MUC5B: variants seen among roughly 807,000 people sequenced by gnomAD.
The protein encoded by MUC5B is mucin 5B, oligomeric mucus/gel-forming, also known as mucin-5B.
A neutral mutation model predicts 376.9 loss-of-function variants in MUC5B; 116 were observed. The ratio of observed to expected loss-of-function variants is 0.31; its 90% CI spans 0.26 to 0.36. The LOEUF (loss-of-function observed/expected upper bound fraction) is 0.36, where lower values mean the gene tolerates loss of function less well. MUC5B is among the 10% of genes least tolerant of loss of function. The probability of loss-of-function intolerance (pLI) is 1.00; values close to 1 mark genes in which losing one functional copy is unlikely to be tolerated. For synonymous variants in MUC5B, 3,517 were observed against 3,390.9 expected (o/e 1.04, Z -1.29); for missense variants, 7,165 against 7,769.9 (o/e 0.92, Z 2.93).
rs910609841 is a variant in MUC5B, at chr11:1,259,970, A to G, written c.16808A>G (p.Glu5603Gly). ...TPDGQPVQLN[E>G]TWVNSHVDNC... ...CTCACCCTTGCATTTCAGCTGAATG[A>G]AACCTGGGTCAACAGCCATGTGGAC... Residue 5603 changes from glutamate to glycine, a missense_variant, in exon 46 of 49, where the codon GAA becomes GGA. By Grantham distance (98) the Glu-to-Gly change is moderately conservative. Around this residue, in one of 31 missense-constraint regions of MUC5B, gnomAD observed 842 missense variants for 1,016.9 expected, o/e 0.83. Transcript: ENST00000529681. 1 of 1,612,866 alleles carries G rather than the reference A, an allele frequency of 6.2e-7. No homozygotes were observed. Among genetic ancestry groups the G allele is most frequent in the Non-Finnish European group, 8.5e-7 (1 of 1,179,746 alleles).
Position 1,251,635 on chromosome 11 carries a change from T to A in MUC5B, c.14755T>A (p.Ser4919Thr). The A allele has an allele frequency of 6.2e-7, 1 of 1,613,086 alleles. No homozygotes were observed. The highest frequency in any genetic ancestry group is 8.5e-7 in the Non-Finnish European group (1 of 1,179,800). The change falls in exon 31 of 49, where the codon TCC becomes ACC. Residue 4919 changes from serine (S) to threonine (T), a missense_variant. Physicochemically the swap from Ser to Thr is moderately conservative, Grantham distance 58. Coordinates refer to ENST00000529681, the MANE Select transcript of MUC5B (RefSeq NM_002458.3). ...CAGCAGCCTGCCAACCTTCAGCGTG[T>A]CCACTGTGTCCTCCTCAGTCCTCAC... ...LPSSLPTFSV[S>T]TVSSSVLTTL... is the part of the protein sequence containing the mutation.
In MUC5B at chr11:1,255,020, C is replaced by T. The variant is rs377629931; in HGVS notation, c.15665-21C>T. The T allele has an allele frequency of 2.3e-5, 36 of 1,565,860 alleles. 1 individual carries two copies. The highest frequency in any genetic ancestry group is 4.7e-5 in the South Asian group (4 of 85,344). On this transcript the variant is annotated intron_variant, in intron 35 of 48. Transcript: ENST00000529681. The stretch of plus-strand genomic sequence containing the variant: ...AAAGGCTCCCCAGATTCCAGCCCCG[C>T]GGTGACGCCCCCACTCCCAGGCACC...
chr11:1,232,215 C>A, intron 15 of MUC5B, 55 bp downstream of exon 15: 1 of 1,513,478 alleles, frequency 6.6e-7, no homozygotes, highest in East Asian at 2.4e-5. Context: ...CACCCAGCAC[C>A]TTCCTGTCCC....
At position 1,253,104 on chromosome 11, in the gene MUC5B, GGTGGGGCATGGTGGGGTGCA is replaced by G; in HGVS notation, c.15217+141_15217+160del. On this transcript the variant is annotated intron_variant, in intron 33 of 48. Transcript: ENST00000529681. This position sits in a 1 kb window ranked among gnomAD's most constrained non-coding sequence, Gnocchi z 4.3. The stretch of plus-strand genomic sequence containing the variant: ...GGTGCAGTGGGGAATGGTGGGGCAT[GGTGGGGCATGGTGGGGTGCA>G]GTGGGGCATGGTGGGGCATGGTGGG... 1 of 1,047,782 alleles carries G rather than the reference GGTGGGGCATGGTGGGGTGCA, an allele frequency of 9.5e-7. No homozygotes were observed. The highest frequency in any genetic ancestry group is 1.5e-5 in the South Asian group (1 of 66,340). The allele number at this position is 1,047,782 out of a possible 1,614,324, so 64.9% of individuals were successfully genotyped here.
Position 1,257,820 on chromosome 11 carries a change from T to C in MUC5B, c.16450+110T>C. ...AGGAGAGCAGAGGAGAGCCACTGTG[T>C]CCTGGCGTGACCGCGGCAGGACCAC... On this transcript the variant is annotated intron_variant, in intron 41 of 48. Coordinates refer to ENST00000529681, the MANE Select transcript of MUC5B (RefSeq NM_002458.3). This position sits in a 1 kb window ranked among gnomAD's most constrained non-coding sequence, Gnocchi z 8.9. 1.5e-6 allele frequency: 2 copies of C among 1,331,122 alleles called. No individual in the cohort carries two copies. The highest frequency in any genetic ancestry group is 1.5e-5 in the South Asian group (1 of 68,472). The allele number at this position is 1,331,122 out of a possible 1,614,324, so 82.5% of individuals were successfully genotyped here.
intron 28 of MUC5B, 25 bp from the exon 29 acceptor site, chr11:1,240,020 C>G: frequency 6.3e-7 from 1 of 1,589,614 alleles, no homozygotes; most frequent in African/African-American, 1.3e-5. Context: ...CCCAGGCCCT[C>G]AGCTCGCCTC....
intron 24 of MUC5B, among the ~76,000 whole-genome samples, 173 bp from the exon 25 acceptor site, chr11:1,236,752 C>T (rs148376510): frequency 6.6e-6 from 1 of 152,250 alleles, no homozygotes; most frequent in African/African-American, 2.4e-5. Flanking sequence ...AGCGGCCCAC[C>T]CAGGGACCCA....
rs1281239601 is a variant in MUC5B, at chr11:1,227,361, C to G, written c.630C>G (p.Phe210Leu). The G allele has an allele frequency of 6.2e-7, 1 of 1,612,554 alleles. No individual in the cohort carries two copies. The highest frequency in any genetic ancestry group is 1.3e-5 in the African/African-American group (1 of 74,942). The change falls in exon 6 of 49, where the codon TTC becomes TTG. Residue 210 changes from phenylalanine to leucine, a missense_variant. Phe to Leu is a conservative substitution (Grantham distance 22). This residue lies in a region of MUC5B where 640 missense variants were observed against 733.0 expected (regional missense o/e 0.87). Transcript: ENST00000529681. ...ANQTCGLCGD[F>L]NGLPAFNEFY... is the part of the protein sequence containing the mutation. ...AGACCTGTGGCCTGTGTGGGGACTT[C>G]AACGGCCTCCCGGCCTTCAACGAGT...
At chr11:1,237,940 C>T (rs1862192655) in intron 25 of MUC5B, among the ~76,000 whole-genome samples, 1 of 152,250 alleles carries the variant, frequency 6.6e-6, no homozygotes, top group African/African-American at 2.4e-5. Context: ...CCCACTTAGG[C>T]ACACAGCATG....
rs766012970 is a variant in MUC5B at position 1,254,704 on chromosome 11, A to G, written c.15488A>G (p.Asp5163Gly). 6.2e-7 allele frequency: 1 copy of G among 1,612,426 alleles called. No homozygotes were observed. Among genetic ancestry groups the G allele is most frequent in the Admixed American group, 1.7e-5 (1 of 59,968 alleles). The change falls in exon 35 of 49, where the codon GAC becomes GGC. Residue 5163 changes from aspartate (D) to glycine (G), a missense_variant. Transcript: ENST00000529681. ...HGKEEGLILFDQIPVSSGFSK... is the reference protein window; with the variant it reads ...HGKEEGLILFGQIPVSSGFSK... Reference sequence around the variant, plus strand: ...CCTGGATTCCCCCAGATCCTGTTTGACCAAATTCCGGTGAGCAGCGGTTTC... The same window carrying G: ...CCTGGATTCCCCCAGATCCTGTTTGGCCAAATTCCGGTGAGCAGCGGTTTC...
At chr11:1,239,749 G>T in intron 27 of MUC5B, 50 bp from the exon 28 acceptor site, 1 of 1,566,706 alleles carries the variant, frequency 6.4e-7, no homozygotes, top group South Asian at 1.2e-5. Flanking sequence ...CCCCTGGCTG[G>T]AGAGACTAAA....
chr11:1,261,564 C>A lies in MUC5B; in HGVS notation c.17245C>A (p.Pro5749Thr), dbSNP rs1451621905. The A allele has an allele frequency of 1.2e-6, 2 of 1,608,682 alleles. No individual in the cohort carries two copies. The highest frequency in any genetic ancestry group is 2.2e-5 in the East Asian group (1 of 44,676). ...CTGTGTCCCTGCGCCCATGGCTCCC[C>A]CACACACCCGTGGCTTCCCGGCCCA... ...PFCVPAPMAP[P>T]HTRGFPAQEA... Residue 5749 changes from proline (P) to threonine (T), a missense_variant, in exon 49 of 49, where the codon CCA (proline) becomes ACA (threonine). Pro to Thr is a conservative substitution (Grantham distance 38). This residue lies in a region of MUC5B where 842 missense variants were observed against 1,016.9 expected (regional missense o/e 0.83). Transcript: ENST00000529681.
In MUC5B at chr11:1,233,196, A is replaced by G. The variant is rs904137549; in HGVS notation, c.2249A>G (p.Gln750Arg). 6.2e-7 allele frequency: 1 copy of G among 1,603,238 alleles called. No homozygotes were observed. Among genetic ancestry groups the G allele is most frequent in the Non-Finnish European group, 8.5e-7 (1 of 1,178,162 alleles). The change falls in exon 18 of 49, where the codon CAG (glutamine) becomes CGG (arginine). Residue 750 changes from glutamine (Q) to arginine (R), a missense_variant. Transcript: ENST00000529681. ...GACGCGGGCGCCTGTGTGCCCGCCC[A>G]GGAGTGCCCCTGCTACGCTCACGGC... is the stretch of plus-strand genomic sequence containing the variant. ...LNDAGACVPA[Q>R]ECPCYAHGTV...
rs759983497 is a variant in MUC5B at position 1,228,643 on chromosome 11, C to T, written c.854C>T (p.Ala285Val). 1.6e-4 allele frequency: 245 copies of T among 1,534,072 alleles called. No homozygotes were observed. Among genetic ancestry groups the T allele is most frequent in the Admixed American group, 4.5e-4 (23 of 50,948 alleles). The change falls in exon 8 of 49, where the codon GCC becomes GTC. Residue 285 changes from alanine to valine, a missense_variant. Ala to Val is a moderately conservative substitution (Grantham distance 64). This residue lies in a region of MUC5B where 640 missense variants were observed against 733.0 expected (regional missense o/e 0.87). Coordinates refer to ENST00000529681, the MANE Select transcript of MUC5B (RefSeq NM_002458.3). ...HALVDSTAYL[A>V]ACAQDLCRCP... ...CTGGTGGACAGCACTGCGTACCTGGCCGCCTGCGCCCAGGACCTGTGCCGC... is the reference window on the plus strand; with the variant it reads ...CTGGTGGACAGCACTGCGTACCTGGTCGCCTGCGCCCAGGACCTGTGCCGC...
In MUC5B at chr11:1,246,159, A is replaced by AGCCAC. The variant is rs1862457171; in HGVS notation, c.9279_9280insGCCAC (p.Ile3094AlafsTer18). The AGCCAC allele has an allele frequency of 6.2e-7, 1 of 1,606,690 alleles. No individual in the cohort carries two copies. The highest frequency in any genetic ancestry group is 8.5e-7 in the Non-Finnish European group (1 of 1,178,034). On this transcript the variant is annotated frameshift_variant, in exon 31 of 49. Coordinates refer to ENST00000529681, the MANE Select transcript of MUC5B (RefSeq NM_002458.3). LOFTEE classifies it high-confidence loss of function. ...CCACACCCATGGCCACCATGTCCACAATCCACCCCTCCTCCACTCCGGAGA... is the reference window on the plus strand; with the variant it reads ...CCACACCCATGGCCACCATGTCCACAGCCACATCCACCCCTCCTCCACTCCGGAGA...
Position 1,246,526 on chromosome 11 carries a change from C to A in MUC5B, c.9646C>A (p.Pro3216Thr). The part of the protein sequence containing the change: ...ISSRATPSSS[P>T]GTATALPALR... ...CTCCAGAGCCACTCCCTCCTCCAGTCCAGGGACTGCAACCGCCCTTCCAGC... is the reference window on the plus strand; with the variant it reads ...CTCCAGAGCCACTCCCTCCTCCAGTACAGGGACTGCAACCGCCCTTCCAGC... The change falls in exon 31 of 49, where the codon CCA becomes ACA. Residue 3216 changes from proline to threonine, a missense_variant. Pro to Thr is a conservative substitution (Grantham distance 38, BLOSUM62 -1). This residue lies in a region of MUC5B where 939 missense variants were observed against 770.6 expected (regional missense o/e 1.22). Transcript: ENST00000529681. 3 of 1,613,422 alleles carry A rather than the reference C, an allele frequency of 1.9e-6. No individual in the cohort carries two copies. Among genetic ancestry groups the A allele is most frequent in the South Asian group, 2.2e-5 (2 of 91,052 alleles).
At chr11:1,229,039 G>T in intron 8 of MUC5B, 131 bp from the exon 9 acceptor site, 1 of 1,175,694 alleles carries the variant, frequency 8.5e-7, no homozygotes, top group East Asian at 2.6e-5. Context: ...GGGCGTCAGG[G>T]CCACCCTGGG....
chr11:1,232,778 C>T lies in MUC5B; in HGVS notation c.2065+8C>T. On this transcript the variant is annotated splice_region_variant and intron_variant, in intron 17 of 48. Transcript: ENST00000529681. ...GGAGGGACGGCGTCTGCAGTGAGTG[C>T]CCACGCTGGGGGTGGGATGTGTCCA... 1.9e-6 allele frequency: 3 copies of T among 1,585,846 alleles called. No homozygotes were observed. Among genetic ancestry groups the T allele is most frequent in the Admixed American group, 1.7e-5 (1 of 58,452 alleles).
At chr11:1,238,544 G>A (rs776146207) in intron 25 of MUC5B, among the ~76,000 whole-genome samples, 8 of 152,312 alleles carry the variant, frequency 5.3e-5, no homozygotes, top group South Asian at 2.1e-4. Flanking sequence ...CCAGATCCAC[G>A]TGATAGAAAG....
Sources: allele counts gnomAD v4.1 joint callset (sites outside exome capture counted in the v4.1 genomes callset), GRCh38; gene constraint gnomAD v4.1.1; regional missense constraint gnomAD v4.1.1; non-coding constraint Gnocchi (gnomAD v3.1); transcripts MANE v1.5; gene names NCBI Gene and HGNC (gene_info 2026-07-23, HGNC 2026-07-21).